The following TRAF3IP1 variants were observed in gnomAD, a reference collection of about 807,000 sequenced individuals.
TRAF3IP1 encodes the protein TRAF3-interacting protein 1.
In TRAF3IP1, 53 loss-of-function variants were observed where a neutral mutation model predicts 89.9. That is an observed-to-expected ratio of 0.59 (90% CI 0.47 to 0.74). The LOEUF is 0.74. TRAF3IP1 is among the 30% of genes least tolerant of loss of function. TRAF3IP1 has a pLI of 0.00. For missense variants in TRAF3IP1, 806 were observed against 866.1 expected (o/e 0.93, Z 0.87); for synonymous variants, 311 against 322.1 (o/e 0.97, Z 0.37).
chr2:238,350,597 T>C (rs1699106647), intron 12 of TRAF3IP1, among the ~76,000 whole-genome samples: 1 of 152,000 alleles, frequency 6.6e-6, no homozygotes, highest in East Asian at 1.9e-4. Flanking sequence ...GGAGACATTT[T>C]CTGGTGTTCT....
At chr2:238,370,566 G>A (rs1177745097) in intron 15 of TRAF3IP1, among the ~76,000 whole-genome samples, 1 of 152,088 alleles carries the variant, frequency 6.6e-6, no homozygotes, top group African/African-American at 2.4e-5. Context: ...TCCCTACCCC[G>A]GGCTCTCCCA....
chr2:238,359,512 T>C (rs1699570774), intron 15 of TRAF3IP1, among the ~76,000 whole-genome samples: 1 of 152,118 alleles, frequency 6.6e-6, no homozygotes. Context: ...CTCAGCATAA[T>C]TATTCTGAGA....
rs975660032 is a variant in TRAF3IP1, at chr2:238,399,851, T to A, written c.*932T>A. On this transcript the variant is annotated 3_prime_UTR_variant, in exon 17 of 17. Transcript: ENST00000373327. ...ACGACGTTTTTTGATGTTAGCCATT[T>A]TTTTGGAAATTGTTTTTTAAAGCAA... 4.6e-5 allele frequency: 7 copies of A among 152,194 alleles called. No individual in the cohort carries two copies. Among genetic ancestry groups the A allele is most frequent in the Non-Finnish European group, 7.3e-5 (5 of 68,036 alleles). The allele number at this position is 152,194 out of a possible 1,614,324, so 9.4% of individuals were successfully genotyped here.
chr2:238,338,518 T>TA, intron 8 of TRAF3IP1, 61 bp downstream of exon 8: 1 of 917,272 alleles, frequency 1.1e-6, no homozygotes, highest in Non-Finnish European at 1.7e-6. Flanking sequence ...TGGTTATATC[T>TA]CAATGTAGTT....
intron 10 of TRAF3IP1, 36 bp from the exon 11 acceptor site, chr2:238,348,728 C>T (rs767317699): frequency 6.4e-7 from 1 of 1,567,622 alleles, no homozygotes; most frequent in Non-Finnish European, 8.8e-7. Flanking sequence ...TGTGTGTTTT[C>T]CTTTGTGAAT....
intron 15 of TRAF3IP1, among the ~76,000 whole-genome samples, chr2:238,359,825 C>T (rs1331775155): frequency 6.6e-6 from 1 of 152,110 alleles, no homozygotes; most frequent in East Asian, 1.9e-4. Flanking sequence ...CCTGTATATA[C>T]CATGTTTTTT....
chr2:238,369,615 C>T (rs1023908279), intron 15 of TRAF3IP1, among the ~76,000 whole-genome samples: 10 of 150,836 alleles, frequency 6.6e-5, no homozygotes, highest in Non-Finnish European at 8.8e-5. Flanking sequence ...CTTCCAGAAA[C>T]GAGGCTGTGC....
chr2:238,396,545 A>G (rs553873151), intron 15 of TRAF3IP1, among the ~76,000 whole-genome samples: 1 of 142,642 alleles, frequency 7.0e-6, no homozygotes, highest in Non-Finnish European at 1.6e-5. Flanking sequence ...TAAAAAAATT[A>G]AAAAAAAAAA....
rs752390394 is a variant in TRAF3IP1, at chr2:238,348,867, C to T, written c.1367+19C>T. ...ACATCAGGTCTGTGTGCTTTGAATC[C>T]CTTTCCCTCAGCAGAGTGATCACAC... On this transcript the variant is annotated intron_variant, in intron 11 of 16. Transcript: ENST00000373327. 3 of 1,609,174 alleles carry T rather than the reference C, an allele frequency of 1.9e-6. No homozygotes were observed. Among genetic ancestry groups the T allele is most frequent in the Non-Finnish European group, 2.6e-6 (3 of 1,175,690 alleles).
At chr2:238,373,964 T>A (rs1186176063) in intron 15 of TRAF3IP1, among the ~76,000 whole-genome samples, 1 of 152,218 alleles carries the variant, frequency 6.6e-6, no homozygotes, top group Admixed American at 6.5e-5. Flanking sequence ...TCTTCTGATT[T>A]TTGCACATTG....
Position 238,325,920 on chromosome 2 carries a change from G to A in TRAF3IP1, c.304G>A (p.Glu102Lys), listed in dbSNP as rs200967787. 1.4e-5 allele frequency: 23 copies of A among 1,614,048 alleles called. No individual in the cohort carries two copies. In the South Asian group the frequency reaches 2.3e-4, roughly 16 times the overall value. The change falls in exon 3 of 17, where the codon GAA (glutamate) becomes AAA (lysine). Residue 102 changes from glutamate to lysine, a missense_variant. By Grantham distance (56) the Glu-to-Lys change is moderately conservative. Transcript: ENST00000373327. ...CCGAATCGTGGCGGGGCATGAGCCTGAAAGAACAAACGAGCTGCTCCAGAT... is the reference window on the plus strand; with the variant it reads ...CCGAATCGTGGCGGGGCATGAGCCTAAAAGAACAAACGAGCTGCTCCAGAT... ...PARIVAGHEP[E>K]RTNELLQIIG...
rs146750946 is a variant in TRAF3IP1, at chr2:238,349,259, C to G, written c.1368-66C>G. The G allele has an allele frequency of 3.7e-4, 543 of 1,475,554 alleles. 5 individuals carry two copies. The African/African-American group carries it at 6.4e-3, about 18-fold the overall frequency. 91.4% of individuals were successfully genotyped at this position (1,475,554 alleles called of 1,614,324 possible). A position where few individuals can be genotyped will look rare whatever the true frequency, so the allele number is the denominator to read the frequency against. ...GAGAGTTAACATTCACCTGGGCTTT[C>G]TTTTCCAGTTTGAAATGTATAAGCC... On this transcript the variant is annotated intron_variant, in intron 11 of 16. Coordinates refer to ENST00000373327, the MANE Select transcript of TRAF3IP1 (RefSeq NM_015650.4).
intron 10 of TRAF3IP1, among the ~76,000 whole-genome samples, chr2:238,348,467 C>A (rs1184255228): frequency 6.6e-6 from 1 of 152,080 alleles, no homozygotes; most frequent in Non-Finnish European, 1.5e-5. Flanking sequence ...GGTTGTATTT[C>A]CTTTAAGTGC....
intron 15 of TRAF3IP1, among the ~76,000 whole-genome samples, chr2:238,369,293 A>T (rs766221348): frequency 1.3e-5 from 2 of 152,220 alleles, no homozygotes; most frequent in Non-Finnish European, 2.9e-5. Flanking sequence ...CAAAGCATTC[A>T]CTTGTGAAAG....
At chr2:238,357,185 T>G (rs1699453768) in intron 15 of TRAF3IP1, among the ~76,000 whole-genome samples, 1 of 152,204 alleles carries the variant, frequency 6.6e-6, no homozygotes, top group African/African-American at 2.4e-5. Flanking sequence ...TGTGGCCTCT[T>G]GCCAGCCACT....
intron 12 of TRAF3IP1, 78 bp downstream of exon 12, chr2:238,349,486 G>T: frequency 7.0e-7 from 1 of 1,425,712 alleles, no homozygotes. Flanking sequence ...TAAGAGAAGG[G>T]GGAGGGAAGC....
chr2:238,360,260 G>A (rs1699600837), intron 15 of TRAF3IP1, among the ~76,000 whole-genome samples: 1 of 152,216 alleles, frequency 6.6e-6, no homozygotes, highest in African/African-American at 2.4e-5. Context: ...TATGGGTGGG[G>A]ATAGGACTGT....
chr2:238,343,562 G>A (rs1168683663), intron 8 of TRAF3IP1, among the ~76,000 whole-genome samples: 2 of 150,972 alleles, frequency 1.3e-5, no homozygotes, highest in East Asian at 3.9e-4. Flanking sequence ...TTGTAGATAT[G>A]AGGTTTCGCT....
At chr2:238,363,785 C>T (rs982540188) in intron 15 of TRAF3IP1, among the ~76,000 whole-genome samples, 2 of 152,074 alleles carry the variant, frequency 1.3e-5, no homozygotes, top group Non-Finnish European at 2.9e-5. Context: ...CACAGTAAAA[C>T]CCCGTCTCTA....
Sources: gnomAD v4.1 joint callset for allele counts (sites outside exome capture counted in the v4.1 genomes callset) on GRCh38, gnomAD v4.1.1 for gene constraint, MANE v1.5 for transcripts, NCBI Gene and HGNC (gene_info 2026-07-23, HGNC 2026-07-21) for gene names.